Variants in PTPRN2 observed in about 807,000 individuals in gnomAD.
PTPRN2 encodes receptor-type tyrosine-protein phosphatase N2.
In PTPRN2, 74 loss-of-function variants were observed where a neutral mutation model predicts 118.8. That is an observed-to-expected ratio of 0.62 (90% CI 0.52 to 0.76). The LOEUF is 0.76. Ranked by LOEUF, PTPRN2 falls within the 30% of genes least tolerant of loss-of-function variation. The pLI is 0.00. For missense variants in PTPRN2, 1,481 were observed against 1,394.4 expected, an observed-to-expected ratio of 1.06 and a Z score of -0.99; for synonymous variants, 641 against 608.0, an observed-to-expected ratio of 1.05 and a Z score of -0.80.
chr7:157,832,968 C>T (rs931753135), intron 12 of PTPRN2, among the ~76,000 whole-genome samples: 1 of 152,230 alleles, frequency 6.6e-6, no homozygotes, highest in African/African-American at 2.4e-5. Flanking sequence ...GTGGCTGGTG[C>T]CCATCCATCC....
chr7:158,126,751 A>G (rs1302390708), intron 9 of PTPRN2, among the ~76,000 whole-genome samples: 1 of 152,226 alleles, frequency 6.6e-6, no homozygotes, highest in East Asian at 1.9e-4. Flanking sequence ...TGGGTTTCAC[A>G]TTTCACATCT....
intron 2 of PTPRN2, among the ~76,000 whole-genome samples, chr7:158,347,815 G>A (rs1274353486): frequency 3.9e-5 from 6 of 152,146 alleles, no homozygotes; most frequent in African/African-American, 1.2e-4. Flanking sequence ...AGGTCTCACC[G>A]TCTGGGTTAA....
intron 2 of PTPRN2, among the ~76,000 whole-genome samples, chr7:158,483,484 A>C (rs1448480665): frequency 6.6e-6 from 1 of 152,212 alleles, no homozygotes; most frequent in Non-Finnish European, 1.5e-5. Context: ...GAATATTCTA[A>C]AGTCTTCCAC....
intron 12 of PTPRN2, among the ~76,000 whole-genome samples, chr7:157,799,982 C>G (rs1365822783): frequency 1.3e-5 from 2 of 151,260 alleles, no homozygotes; most frequent in East Asian, 2.0e-4. Flanking sequence ...AGAGGTACCA[C>G]AGCCGGCCTC....
chr7:157,967,502 C>T (rs757863034), intron 11 of PTPRN2, among the ~76,000 whole-genome samples: 10 of 152,056 alleles, frequency 6.6e-5, no homozygotes, highest in Non-Finnish European at 1.3e-4. Flanking sequence ...GTTGTAAATG[C>T]CATGAGTTTC....
intron 2 of PTPRN2, among the ~76,000 whole-genome samples, chr7:158,409,585 C>T (rs980841186): frequency 2.0e-5 from 3 of 152,174 alleles, no homozygotes; most frequent in Admixed American, 6.5e-5. Context: ...GCTCAAACTC[C>T]GGCAGGAGAA....
chr7:158,175,108 T>G (rs6947155), intron 5 of PTPRN2, among the ~76,000 whole-genome samples: 1,742 of 152,302 alleles, frequency 0.011, 25 homozygotes, highest in African/African-American at 0.04. Context: ...TCATCAGCTA[T>G]TCTCCTGCAC....
chr7:158,452,894 C>A (rs1179771074), intron 2 of PTPRN2, among the ~76,000 whole-genome samples: 2 of 152,228 alleles, frequency 1.3e-5, no homozygotes, highest in Non-Finnish European at 2.9e-5. Flanking sequence ...TCTGTTGCCC[C>A]GTGGCTCAGG....
chr7:157,981,515 T>C (rs1350806156), intron 11 of PTPRN2, among the ~76,000 whole-genome samples: 2 of 152,180 alleles, frequency 1.3e-5, no homozygotes, highest in African/African-American at 2.4e-5. Context: ...GTAAAAACAA[T>C]AGTTTCTTTC....
Position 157,619,374 on chromosome 7 carries a change from C to G in PTPRN2, c.2344+1988G>C, listed in dbSNP as rs1413707101. Among the ~76,000 whole-genome samples, 1 of 152,054 alleles carries G rather than the reference C, an allele frequency of 6.6e-6. No individual in the cohort carries two copies. Among genetic ancestry groups the G allele is most frequent in the Non-Finnish European group, 1.5e-5 (1 of 68,002 alleles). On this transcript the variant is annotated intron_variant, in intron 15 of 22. Transcript: ENST00000389418. The surrounding 1 kb of genome is among the most constrained non-coding windows in gnomAD (Gnocchi z 5.3). The stretch of plus-strand genomic sequence containing the variant: ...CTCCACTCAGGACTCAGCAGGATAC[C>G]CGCTCACCACCACCCTCACTTGTCC...
At chr7:157,636,846 T>C (rs528529715) in intron 14 of PTPRN2, among the ~76,000 whole-genome samples, 1 of 152,358 alleles carries the variant, frequency 6.6e-6, no homozygotes, top group South Asian at 2.1e-4. Flanking sequence ...TTAAATCCTC[T>C]CATTCCATTT....
At chr7:157,541,587 C>G (rs368058235) in intron 22 of PTPRN2, among the ~76,000 whole-genome samples, 1 of 152,210 alleles carries the variant, frequency 6.6e-6, no homozygotes, top group Admixed American at 6.5e-5. Context: ...CAGTTTCCAC[C>G]TCAAAACACT....
At chr7:158,198,455 G>A (rs1227047683) in intron 4 of PTPRN2, among the ~76,000 whole-genome samples, 4 of 152,196 alleles carry the variant, frequency 2.6e-5, no homozygotes, top group Non-Finnish European at 4.4e-5. Context: ...ATATGAGATA[G>A]TCTAGATTGT....
intron 12 of PTPRN2, among the ~76,000 whole-genome samples, chr7:157,894,687 G>A (rs531595531): frequency 3.9e-4 from 59 of 152,172 alleles, no homozygotes; most frequent in African/African-American, 1.3e-3. Flanking sequence ...ATAGTCACAC[G>A]AGGACAGCCC....
At chr7:157,549,041 G>A (rs764517449) in intron 21 of PTPRN2, 22 bp from the exon 22 acceptor site, 4 of 1,611,108 alleles carry the variant, frequency 2.5e-6, no homozygotes, top group African/African-American at 2.7e-5. Flanking sequence ...CACAAATTGG[G>A]CTGAGTTCAG....
chr7:158,078,199 A>G (rs1812524436), intron 11 of PTPRN2, among the ~76,000 whole-genome samples: 1 of 152,184 alleles, frequency 6.6e-6, no homozygotes, highest in Admixed American at 6.5e-5. Flanking sequence ...ATCATTTTGT[A>G]TAAAATTAGC....
intron 2 of PTPRN2, among the ~76,000 whole-genome samples, chr7:158,385,940 T>A (rs1010649734): frequency 6.7e-6 from 1 of 148,464 alleles, no homozygotes; most frequent in African/African-American, 2.5e-5. Flanking sequence ...GAGTCCCTCC[T>A]CCTGTGCTCT....
At chr7:157,975,975 T>C (rs995213666) in intron 11 of PTPRN2, among the ~76,000 whole-genome samples, 3 of 152,254 alleles carry the variant, frequency 2.0e-5, no homozygotes, top group African/African-American at 4.8e-5. Context: ...CCCCATGCGA[T>C]GTGGAGAGAG....
intron 11 of PTPRN2, among the ~76,000 whole-genome samples, chr7:158,014,727 G>A (rs770897032): frequency 6.7e-5 from 10 of 148,620 alleles, no homozygotes; most frequent in Admixed American, 6.7e-5. Context: ...CCACCCATCC[G>A]GCCAGCCAGC....
Sources: allele counts gnomAD v4.1 joint callset (sites outside exome capture counted in the v4.1 genomes callset), GRCh38; gene constraint gnomAD v4.1.1; non-coding constraint Gnocchi (gnomAD v3.1); transcripts MANE v1.5; gene names NCBI Gene and HGNC (gene_info 2026-07-23, HGNC 2026-07-21).